REPS1: variants seen among roughly 807,000 people sequenced by gnomAD.
REPS1 encodes the protein RALBP1 associated Eps domain containing 1, also known as ralBP1-associated Eps domain-containing protein 1.
A neutral mutation model predicts 100.9 loss-of-function variants in REPS1; 39 were observed. That is an observed-to-expected ratio of 0.39 (90% CI 0.30 to 0.50). The LOEUF (loss-of-function observed/expected upper bound fraction) is 0.50. REPS1 is among the 20% of genes least tolerant of loss of function. The pLI is 0.86. For missense variants in REPS1, 821 were observed against 968.5 expected, an observed-to-expected ratio of 0.85 and a Z score of 2.02; for synonymous variants, 324 against 340.3, an observed-to-expected ratio of 0.95 and a Z score of 0.53.
intron 14 of REPS1, 98 bp downstream of exon 14, chr6:138,915,760 T>C: frequency 2.1e-6 from 2 of 934,150 alleles, no homozygotes; most frequent in Non-Finnish European, 3.3e-6. Flanking sequence ...TAAATATTTT[T>C]AAAAGACATG....
intron 10 of REPS1, 76 bp from the exon 11 acceptor site, chr6:138,921,200 A>T (rs1410695390): frequency 3.1e-6 from 3 of 970,796 alleles, no homozygotes; most frequent in Non-Finnish European, 4.8e-6. Context: ...CAAAACAAAC[A>T]AAACTAAAAA....
At chr6:138,979,197 A>AAAAAAAAAAAAAAAAAAAAAT (rs767121176) in intron 1 of REPS1, among the ~76,000 whole-genome samples, 1 of 121,968 alleles carries the variant, frequency 8.2e-6, no homozygotes, top group Non-Finnish European at 1.6e-5. Context: ...AAAAAAAAAA[A>AAAAAAAAAAAAAAAAAAAAAT]CAAAAAAAAA....
At chr6:138,955,457 A>AAGTGTGTGTGTGTGTGTGTGTGTGT (rs10689184) in intron 1 of REPS1, among the ~76,000 whole-genome samples, 2 of 90,720 alleles carry the variant, frequency 2.2e-5, no homozygotes, top group East Asian at 4.8e-4. Flanking sequence ...AAAAAAAAAA[A>AAGTGTGTGTGTGTGTGTGTGTGTGT]GTGTGTGTGT....
At position 138,958,172 on chromosome 6, in the gene REPS1, C is replaced by G. The variant is rs533329510; in HGVS notation, c.154-10259G>C. Among the ~76,000 whole-genome samples the G allele has an allele frequency of 2.6e-5, 4 of 152,204 alleles. No homozygotes were observed. In the East Asian group the frequency reaches 7.7e-4, roughly 29 times the overall value. On this transcript the variant is annotated intron_variant, in intron 1 of 19. Transcript: ENST00000450536. ...TTCTATATTTGGATAATGTCTATAA[C>G]TGATAAACCTACATAAAGTGGAGTT... is the stretch of plus-strand genomic sequence containing the variant.
At chr6:138,910,514 C>A (rs1315454935) in intron 17 of REPS1, among the ~76,000 whole-genome samples, 2 of 152,108 alleles carry the variant, frequency 1.3e-5, no homozygotes, top group Non-Finnish European at 2.9e-5. Context: ...CCACCACACA[C>A]GGCTAATATT....
Position 138,987,641 on chromosome 6 carries a change from A to G in REPS1, c.42T>C (p.Tyr14=). The change falls in exon 1 of 20, where the codon TAT becomes TAC. Residue 14 remains tyrosine, a synonymous_variant. Coordinates refer to ENST00000450536, the MANE Select transcript of REPS1 (RefSeq NM_001286611.2). ...LTLSDAEQKY[Y]SDLFSYCDIE... Reference sequence around the variant, plus strand: ...TGTCGCAGTAGGAGAAGAGATCTGAATAGTATTTCTGCTCCGCATCGCTCA... The same window carrying G: ...TGTCGCAGTAGGAGAAGAGATCTGAGTAGTATTTCTGCTCCGCATCGCTCA... 1.3e-6 allele frequency: 2 copies of G among 1,550,362 alleles called. No homozygotes were observed. Among genetic ancestry groups the G allele is most frequent in the Middle Eastern group, 1.7e-4 (1 of 5,982 alleles).
At chr6:138,979,816 T>C (rs539602498) in intron 1 of REPS1, among the ~76,000 whole-genome samples, 10 of 152,338 alleles carry the variant, frequency 6.6e-5, no homozygotes, top group East Asian at 5.8e-4. Context: ...CTAGTCAATC[T>C]TTCTCTCTTC....
At chr6:138,957,078 T>C (rs1783438276) in intron 1 of REPS1, among the ~76,000 whole-genome samples, 1 of 151,926 alleles carries the variant, frequency 6.6e-6, no homozygotes, top group Non-Finnish European at 1.5e-5. Flanking sequence ...CAAATTTTTA[T>C]TAAAATAAGG....
At chr6:138,977,261 T>C (rs1784647146) in intron 1 of REPS1, among the ~76,000 whole-genome samples, 1 of 152,216 alleles carries the variant, frequency 6.6e-6, no homozygotes, top group African/African-American at 2.4e-5. Flanking sequence ...TATATCTCTA[T>C]AGATTTGCTT....
chr6:138,912,978 A>G (rs757905093), intron 15 of REPS1, 28 bp from the exon 16 acceptor site: 1 of 1,578,916 alleles, frequency 6.3e-7, no homozygotes, highest in Non-Finnish European at 8.6e-7. Flanking sequence ...ACAGAGGAAC[A>G]CACATTCTAT....
intron 1 of REPS1, among the ~76,000 whole-genome samples, chr6:138,948,676 T>C (rs569780268): frequency 6.6e-6 from 1 of 152,334 alleles, no homozygotes; most frequent in East Asian, 1.9e-4. Context: ...ATTATAATCT[T>C]ATCTTAAAAT....
chr6:138,932,676 T>C (rs1222748973), intron 8 of REPS1, among the ~76,000 whole-genome samples: 2 of 152,240 alleles, frequency 1.3e-5, no homozygotes, highest in African/African-American at 4.8e-5. Flanking sequence ...TGTGATTCAG[T>C]TGTAAGCTGA....
intron 9 of REPS1, chr6:138,927,227 T>C (rs968188562): frequency 1.3e-5 from 2 of 152,026 alleles, no homozygotes; most frequent in African/African-American, 4.8e-5. Context: ...AAATCAAGCA[T>C]CTGAGCATGA....
intron 8 of REPS1, among the ~76,000 whole-genome samples, chr6:138,936,590 G>A (rs73561653): frequency 9.9e-5 from 14 of 141,378 alleles, no homozygotes; most frequent in Admixed American, 9.1e-4. Context: ...ACGGCAGGGT[G>A]GGGGGGGAGA....
At position 138,921,062 on chromosome 6, in the gene REPS1, T is replaced by C. The variant is rs780721042; in HGVS notation, c.1401A>G (p.Glu467=). The C allele has an allele frequency of 1.1e-5, 17 of 1,613,244 alleles. No homozygotes were observed. The South Asian group carries it at 1.9e-4, about 18-fold the overall frequency. ...RMTPSKIHMQ[E]MELKRTGSDH... ...CGCTGCCAGTTCTTTTAAGTTCCAT[T>C]TCCTGCATGTGGATTTTGCTTGGAG... is the stretch of plus-strand genomic sequence containing the variant. The change falls in exon 11 of 20, where the codon GAA becomes GAG. Residue 467 remains glutamate (E), a synonymous_variant. Coordinates refer to ENST00000450536, the MANE Select transcript of REPS1 (RefSeq NM_001286611.2).
At position 138,943,901 on chromosome 6, in the gene REPS1, C is replaced by T; in HGVS notation, c.868G>A (p.Val290Ile). Residue 290 changes from valine to isoleucine, a missense_variant, in exon 6 of 20, where the codon GTA becomes ATA. Val to Ile is a conservative substitution (Grantham distance 29). Around this residue, in one of 3 missense-constraint regions of REPS1, gnomAD observed 757 missense variants for 866.4 expected, o/e 0.87. Coordinates refer to ENST00000450536, the MANE Select transcript of REPS1 (RefSeq NM_001286611.2). ...KITDEQRQYY[V>I]NQFKTIQPDL... ...GGCTGAATGGTTTTAAACTGATTTACATAATACTGTCTTTGTTCATCTGTT... is the reference window on the plus strand; with the variant it reads ...GGCTGAATGGTTTTAAACTGATTTATATAATACTGTCTTTGTTCATCTGTT... 1 of 1,613,712 alleles carries T rather than the reference C, an allele frequency of 6.2e-7. No homozygotes were observed.
chr6:138,956,561 CT>C (rs138711170), intron 1 of REPS1, among the ~76,000 whole-genome samples: 11,730 of 151,868 alleles, frequency 0.077, 883 homozygotes, highest in East Asian at 0.21. Context: ...GCTGTTGCCC[CT>C]GGTAAGTCTT....
At chr6:138,908,933 G>T in intron 17 of REPS1, 117 bp from the exon 18 acceptor site, 2 of 888,530 alleles carry the variant, frequency 2.3e-6, no homozygotes, top group Non-Finnish European at 3.4e-6. Flanking sequence ...AAAGTTACTT[G>T]TCCTACTTTA....
chr6:138,985,207 A>G (rs1785189914), intron 1 of REPS1, among the ~76,000 whole-genome samples: 1 of 152,176 alleles, frequency 6.6e-6, no homozygotes, highest in Non-Finnish European at 1.5e-5. Flanking sequence ...AGCCCTCATA[A>G]TTCCATTCCC....
Sources: allele counts gnomAD v4.1 joint callset (sites outside exome capture counted in the v4.1 genomes callset), GRCh38; gene constraint gnomAD v4.1.1; regional missense constraint gnomAD v4.1.1; transcripts MANE v1.5; gene names NCBI Gene and HGNC (gene_info 2026-07-23, HGNC 2026-07-21).